Variants in HDAC9 observed in about 807,000 individuals in gnomAD.
HDAC9 encodes the protein MEF-2 interacting transcription repressor (MITR) protein.
In HDAC9, 41 loss-of-function variants were observed where a neutral mutation model predicts 139.4. The ratio of observed to expected loss-of-function variants is 0.29; its 90% CI spans 0.23 to 0.38. The LOEUF is 0.38. Ranked by LOEUF, HDAC9 falls within the 10% of genes least tolerant of loss-of-function variation. HDAC9 has a pLI of 1.00. For synonymous variants in HDAC9, 517 were observed against 476.2 expected, an observed-to-expected ratio of 1.09 and a Z score of -1.12; for missense variants, 1,147 against 1,297.0, an observed-to-expected ratio of 0.88 and a Z score of 1.78.
intron 22 of HDAC9, among the ~76,000 whole-genome samples, chr7:18,924,968 C>G (rs1804085700): frequency 6.6e-6 from 1 of 152,024 alleles, no homozygotes; most frequent in South Asian, 2.1e-4. Flanking sequence ...AGTTAAAATG[C>G]AAGCTTAGAT....
At chr7:18,935,451 G>C (rs946042820) in intron 22 of HDAC9, among the ~76,000 whole-genome samples, 8 of 152,086 alleles carry the variant, frequency 5.3e-5, no homozygotes, top group African/African-American at 1.7e-4. Flanking sequence ...GGAAGCATAT[G>C]GTAAGCAAAT....
intron 2 of HDAC9, among the ~76,000 whole-genome samples, chr7:18,271,157 G>T (rs1796326075): frequency 1.3e-5 from 2 of 152,098 alleles, no homozygotes; most frequent in Non-Finnish European, 2.9e-5. Context: ...TCATGGTAAT[G>T]CTTTCTTGTA....
intron 13 of HDAC9, among the ~76,000 whole-genome samples, chr7:18,748,758 T>A (rs1224946727): frequency 2.0e-5 from 3 of 152,240 alleles, no homozygotes; most frequent in African/African-American, 7.2e-5. Flanking sequence ...TTCATCACTT[T>A]ACAGATTTAC....
chr7:18,188,712 C>G (rs1478439991), intron 2 of HDAC9, among the ~76,000 whole-genome samples: 1 of 152,160 alleles, frequency 6.6e-6, no homozygotes, highest in East Asian at 1.9e-4. Context: ...CAAAAGAAGA[C>G]GTTTACATAG....
chr7:18,908,694 G>C (rs1367909641), intron 22 of HDAC9, among the ~76,000 whole-genome samples: 1 of 151,316 alleles, frequency 6.6e-6, no homozygotes, highest in Admixed American at 6.6e-5. Context: ...TGTTCTCTTG[G>C]CTCATCTAGA....
chr7:18,419,548 C>T (rs1384937547), intron 1 of HDAC9, among the ~76,000 whole-genome samples: 1 of 149,826 alleles, frequency 6.7e-6, no homozygotes, highest in Non-Finnish European at 1.5e-5. Flanking sequence ...AGACGCTATT[C>T]ACAATCTCCA....
In HDAC9 at chr7:18,705,054, AT is replaced by A. The variant is rs1025899949; in HGVS notation, c.1732-22520del. 3.9e-5 allele frequency among the ~76,000 whole-genome samples: 6 copies of A among 152,292 alleles called. No homozygotes were observed. In the South Asian group the frequency reaches 1.0e-3, roughly 26 times the overall value. ...GTAAAATTATTTTCAATAATATATGATTTTTTAAATTAAATATGCGTTCCTG... is the reference window on the plus strand; with the variant it reads ...GTAAAATTATTTTCAATAATATATGATTTTTAAATTAAATATGCGTTCCTG... On this transcript the variant is annotated intron_variant, in intron 12 of 25. Coordinates refer to ENST00000686413, the MANE Select transcript of HDAC9 (RefSeq NM_178425.4).
intron 1 of HDAC9, among the ~76,000 whole-genome samples, chr7:18,464,773 G>A (rs1186332482): frequency 6.6e-6 from 1 of 151,950 alleles, no homozygotes; most frequent in African/African-American, 2.4e-5. Flanking sequence ...ACACCTTGGA[G>A]TCTCAATCCT....
At chr7:18,244,930 ATATCTATATCTG>A (rs1006194900) in intron 2 of HDAC9, among the ~76,000 whole-genome samples, 1 of 151,982 alleles carries the variant, frequency 6.6e-6, no homozygotes, top group African/African-American at 2.4e-5. Flanking sequence ...TTCCTGATAT[ATATCTATATCTG>A]TATCTGTATA....
intron 3 of HDAC9, among the ~76,000 whole-genome samples, chr7:18,587,427 A>C (rs1207318971): frequency 6.6e-6 from 1 of 152,170 alleles, no homozygotes. Flanking sequence ...CAGATTAGGA[A>C]GTTTTTTGAT....
At chr7:18,751,193 T>C (rs1433281827) in intron 14 of HDAC9, among the ~76,000 whole-genome samples, 1 of 152,142 alleles carries the variant, frequency 6.6e-6, no homozygotes, top group Non-Finnish European at 1.5e-5. Context: ...ATTCAGTTTG[T>C]ATAGCACTAA....
chr7:18,560,166 C>A (rs968693379), intron 2 of HDAC9, among the ~76,000 whole-genome samples: 9 of 152,076 alleles, frequency 5.9e-5, no homozygotes, highest in African/African-American at 2.2e-4. Flanking sequence ...AATAATTGGG[C>A]TCAGACTGAT....
At chr7:18,229,232 C>T (rs1793280603) in intron 2 of HDAC9, among the ~76,000 whole-genome samples, 1 of 152,094 alleles carries the variant, frequency 6.6e-6, no homozygotes, top group Non-Finnish European at 1.5e-5. Context: ...TTGAGGAAAC[C>T]TTCCCTGATT....
intron 21 of HDAC9, among the ~76,000 whole-genome samples, chr7:18,861,958 A>C (rs1798141600): frequency 1.3e-5 from 2 of 152,314 alleles, no homozygotes; most frequent in Admixed American, 1.3e-4. Flanking sequence ...ATTCATTTAA[A>C]AGCACAGAGT....
chr7:18,254,949 G>A, intron 2 of HDAC9, among the ~76,000 whole-genome samples: 1 of 152,158 alleles, frequency 6.6e-6, no homozygotes, highest in Non-Finnish European at 1.5e-5. Context: ...TATTTGATAT[G>A]TTTTATAAAA....
chr7:18,650,811 A>G (rs527988572), intron 11 of HDAC9, among the ~76,000 whole-genome samples: 2 of 152,318 alleles, frequency 1.3e-5, no homozygotes, highest in East Asian at 1.9e-4. Context: ...GAAAACTTCA[A>G]AGTCCAAAGC....
At chr7:18,204,727 T>C (rs752507120) in intron 2 of HDAC9, among the ~76,000 whole-genome samples, 3 of 152,006 alleles carry the variant, frequency 2.0e-5, no homozygotes, top group Non-Finnish European at 4.4e-5. Flanking sequence ...TTTTGAGGTA[T>C]TTTTCTTCTT....
At chr7:18,222,939 T>A (rs1792804811) in intron 2 of HDAC9, among the ~76,000 whole-genome samples, 1 of 152,182 alleles carries the variant, frequency 6.6e-6, no homozygotes, top group African/African-American at 2.4e-5. Flanking sequence ...TCAATATATG[T>A]TCATAAACTG....
intron 1 of HDAC9, among the ~76,000 whole-genome samples, chr7:18,137,397 A>G (rs1022586406): frequency 1.3e-5 from 2 of 150,834 alleles, no homozygotes; most frequent in Admixed American, 6.6e-5. Context: ...TTCAAAGGGA[A>G]TGCTTCCAGT....
Sources: allele counts gnomAD v4.1 joint callset (sites outside exome capture counted in the v4.1 genomes callset), GRCh38; gene constraint gnomAD v4.1.1; transcripts MANE v1.5; gene names NCBI Gene and HGNC (gene_info 2026-07-23, HGNC 2026-07-21).